The following NLGN1 variants were observed in gnomAD, a reference collection of about 807,000 sequenced individuals.
NLGN1 encodes the protein neuroligin-1.
NLGN1 carries 12 observed loss-of-function variants against 65.5 expected under a neutral mutation model. That is an observed-to-expected ratio of 0.18 (90% CI 0.12 to 0.30). NLGN1 has a LOEUF of 0.30. NLGN1 is among the 10% of genes least tolerant of loss of function. The pLI is 1.00. For missense variants in NLGN1, 750 were observed against 1,007.1 expected (o/e 0.74, Z 3.46); for synonymous variants, 350 against 359.5 (o/e 0.97, Z 0.30).
At chr3:173,538,028 C>A (rs959319270) in intron 2 of NLGN1, among the ~76,000 whole-genome samples, 1 of 152,156 alleles carries the variant, frequency 6.6e-6, no homozygotes, top group African/African-American at 2.4e-5. Flanking sequence ...GGAAGCATTT[C>A]TTTCCCTGAA....
At chr3:174,020,435 T>C (rs375110007) in intron 4 of NLGN1, among the ~76,000 whole-genome samples, 5 of 152,104 alleles carry the variant, frequency 3.3e-5, no homozygotes, top group African/African-American at 1.2e-4. Flanking sequence ...ATATTGGTAA[T>C]TTTAATATTG....
intron 3 of NLGN1, among the ~76,000 whole-genome samples, chr3:173,715,420 T>C (rs1233873678): frequency 3.3e-5 from 5 of 152,166 alleles, no homozygotes; most frequent in Non-Finnish European, 5.9e-5. Context: ...ACTTCTTTTT[T>C]CCTTGTTCCA....
At chr3:173,457,368 G>C (rs1722674867) in intron 2 of NLGN1, among the ~76,000 whole-genome samples, 1 of 152,022 alleles carries the variant, frequency 6.6e-6, no homozygotes, top group Admixed American at 6.6e-5. Flanking sequence ...TAAGTGTAGG[G>C]GGTGATATTC....
At chr3:174,046,949 ATC>A (rs1363104182) in intron 4 of NLGN1, among the ~76,000 whole-genome samples, 5 of 152,160 alleles carry the variant, frequency 3.3e-5, no homozygotes, top group African/African-American at 7.2e-5. Context: ...TTAAAAATAA[ATC>A]TACATTGAAT....
chr3:173,425,702 T>C (rs1715964727), intron 1 of NLGN1, among the ~76,000 whole-genome samples: 1 of 152,166 alleles, frequency 6.6e-6, no homozygotes, highest in Non-Finnish European at 1.5e-5. Flanking sequence ...TTTGTGTTTT[T>C]ATGCCAATAT....
intron 2 of NLGN1, among the ~76,000 whole-genome samples, chr3:173,591,641 C>G (rs1230622525): frequency 6.6e-6 from 1 of 152,200 alleles, no homozygotes; most frequent in Non-Finnish European, 1.5e-5. Context: ...TCAAACTTAG[C>G]ACTGCCTCTG....
chr3:174,144,083 A>C lies in NLGN1; in HGVS notation c.647-131232A>C, dbSNP rs183713969. On this transcript the variant is annotated intron_variant, in intron 4 of 6. Coordinates refer to ENST00000457714, the Ensembl canonical transcript of NLGN1. ...CTCCCCTAGCCTCCCACCCTCTGAC[A>C]TGCCACAGTGTGTGATGTTCCCCTC... Among the ~76,000 whole-genome samples the C allele has an allele frequency of 2.6e-5, 4 of 152,228 alleles. No homozygotes were observed. In the East Asian group the frequency reaches 7.7e-4, roughly 29 times the overall value.
At chr3:173,913,912 A>T (rs1259456140) in intron 4 of NLGN1, among the ~76,000 whole-genome samples, 1 of 152,162 alleles carries the variant, frequency 6.6e-6, no homozygotes, top group Admixed American at 6.5e-5. Flanking sequence ...GTTAGTCATT[A>T]TTAGGGTTCC....
intron 4 of NLGN1, among the ~76,000 whole-genome samples, chr3:173,897,898 A>G (rs1176833522): frequency 6.6e-6 from 1 of 152,208 alleles, no homozygotes; most frequent in Non-Finnish European, 1.5e-5. Flanking sequence ...GAATCATTGC[A>G]AACAATCAGA....
rs1720017385 is a variant in NLGN1 at position 173,820,287 on chromosome 3, GACTATAAT to G, written c.646+12456_646+12463del. Among the ~76,000 whole-genome samples, 3 of 151,558 alleles carry G rather than the reference GACTATAAT, an allele frequency of 2.0e-5. No homozygotes were observed. The South Asian group carries it at 6.3e-4, about 32-fold the overall frequency. On this transcript the variant is annotated intron_variant, in intron 4 of 6. Transcript: ENST00000457714. ...TCTAGAGAAGTATTCCTTGTTCTGA[GACTATAAT>G]GCATGAAAGCTGCAATTTATTTTAA...
At chr3:174,247,347 G>C (rs6764674) in intron 4 of NLGN1, among the ~76,000 whole-genome samples, 73,042 of 151,996 alleles carry the variant, frequency 0.48, 18,330 homozygotes, top group African/African-American at 0.63. Flanking sequence ...AGGCTCACCA[G>C]TCATTGAGCT....
At chr3:173,870,734 A>G (rs1244733250) in intron 4 of NLGN1, among the ~76,000 whole-genome samples, 1 of 152,216 alleles carries the variant, frequency 6.6e-6, no homozygotes, top group African/African-American at 2.4e-5. Context: ...GGTGCTTAAT[A>G]CATGCAGAGA....
intron 4 of NLGN1, among the ~76,000 whole-genome samples, chr3:174,111,682 A>G (rs866241281): frequency 1.1e-4 from 17 of 151,988 alleles, no homozygotes; most frequent in African/African-American, 4.1e-4. Flanking sequence ...ACAAGGTTAT[A>G]GAATGGTAAT....
In NLGN1 at chr3:173,564,231, G is replaced by A. The variant is rs370510265; in HGVS notation, c.-320-40048G>A. On this transcript the variant is annotated intron_variant, in intron 2 of 6. Coordinates refer to ENST00000457714, the Ensembl canonical transcript of NLGN1. ...ACACCTTCCACGTGTTGTAGGCACAGGTTTCCGTTAAATGCTTCCGTATTT... is the reference window on the plus strand; with the variant it reads ...ACACCTTCCACGTGTTGTAGGCACAAGTTTCCGTTAAATGCTTCCGTATTT... 3.8e-4 allele frequency among the ~76,000 whole-genome samples: 58 copies of A among 152,334 alleles called. 1 individual carries two copies. The East Asian group carries it at 8.5e-3, about 22-fold the overall frequency.
intron 4 of NLGN1, among the ~76,000 whole-genome samples, chr3:174,176,440 T>C (rs773663458): frequency 2.6e-5 from 4 of 151,996 alleles, no homozygotes; most frequent in Non-Finnish European, 5.9e-5. Flanking sequence ...CCATAATGTA[T>C]GTTGCAACAG....
At chr3:173,499,663 G>C (rs1247171140) in intron 2 of NLGN1, among the ~76,000 whole-genome samples, 1 of 151,746 alleles carries the variant, frequency 6.6e-6, no homozygotes, top group Non-Finnish European at 1.5e-5. Flanking sequence ...CCATTTTCAC[G>C]ATATTGTTTC....
intron 4 of NLGN1, among the ~76,000 whole-genome samples, chr3:174,107,003 CACACACACACACACAGAGAGAGAGAGAG>C (rs1256171250): frequency 1.0e-4 from 12 of 117,000 alleles, no homozygotes; most frequent in African/African-American, 3.6e-4. Context: ...CACACACACA[CACACACACACACACAGAGAGAGAGAGAG>C]AGAGAGAGAG....
In NLGN1 at chr3:174,279,595, G is replaced by C. The variant is rs1751215899; in HGVS notation, c.1594G>C (p.Asp532His). 1 of 1,613,140 alleles carries C rather than the reference G, an allele frequency of 6.2e-7. No homozygotes were observed. Among genetic ancestry groups the C allele is most frequent in the South Asian group, 1.1e-5 (1 of 91,048 alleles). Reference sequence around the variant, plus strand: ...ATTTCCTTGCAATTTCTCCAAAAATGATGTGATGCTGAGTGCAGTTGTAAT... The same window carrying C: ...ATTTCCTTGCAATTTCTCCAAAAATCATGTGATGCTGAGTGCAGTTGTAAT... Residue 532 changes from aspartate (D) to histidine (H), a missense_variant, in exon 6 of 7, where the codon GAT becomes CAT. Transcript: ENST00000457714. The surrounding 1 kb of genome is among the most constrained non-coding windows in gnomAD (Gnocchi z 4.7).
rs577390101 is a variant in NLGN1 at position 173,777,922 on chromosome 3, A to G, written c.494-29758A>G. On this transcript the variant is annotated intron_variant, in intron 3 of 6. Transcript: ENST00000457714. ...CATTAAAAAATCTAGCATGTTTATA[A>G]CTGATAATGATAATAATCATTGTAT... is the stretch of plus-strand genomic sequence containing the variant. Among the ~76,000 whole-genome samples, 8 of 152,006 alleles carry G rather than the reference A, an allele frequency of 5.3e-5. No homozygotes were observed. In the East Asian group the frequency reaches 1.5e-3, roughly 29 times the overall value.
Sources: allele counts gnomAD v4.1 joint callset (sites outside exome capture counted in the v4.1 genomes callset), GRCh38; gene constraint gnomAD v4.1.1; non-coding constraint Gnocchi (gnomAD v3.1); transcripts MANE v1.5; gene names NCBI Gene and HGNC (gene_info 2026-07-23, HGNC 2026-07-21).